The following CLRN2 variants were observed in gnomAD, a reference collection of about 807,000 sequenced individuals.
The protein encoded by CLRN2 is clarin-2.
In CLRN2, 17 loss-of-function variants were observed where a neutral mutation model predicts 20.1. The ratio of observed to expected loss-of-function variants is 0.85; its 90% CI spans 0.58 to 1.27. The LOEUF (loss-of-function observed/expected upper bound fraction) is 1.27, where lower values mean the gene tolerates loss of function less well. CLRN2 is among the 50% of genes most tolerant of loss of function. The pLI is 0.00. For missense variants in CLRN2, 288 were observed against 299.5 expected, an observed-to-expected ratio of 0.96 and a Z score of 0.28; for synonymous variants, 140 against 126.9, an observed-to-expected ratio of 1.10 and a Z score of -0.70.
intron 1 of CLRN2, among the ~76,000 whole-genome samples, chr4:17,517,664 GTGGTC>G (rs1314761404): frequency 6.6e-6 from 1 of 152,250 alleles, no homozygotes; most frequent in East Asian, 1.9e-4. Flanking sequence ...TTCATCTAAC[GTGGTC>G]TGGTCTGGAA....
intron 2 of CLRN2, among the ~76,000 whole-genome samples, chr4:17,525,905 C>T (rs944147273): frequency 1.3e-5 from 2 of 151,836 alleles, no homozygotes; most frequent in African/African-American, 4.8e-5. Context: ...TGAAGATATA[C>T]TAATCTTTTA....
intron 2 of CLRN2, among the ~76,000 whole-genome samples, chr4:17,525,226 A>G (rs1402390418): frequency 6.6e-6 from 1 of 152,232 alleles, no homozygotes; most frequent in Non-Finnish European, 1.5e-5. Flanking sequence ...TCATACTTAC[A>G]TAAATTATAG....
chr4:17,525,606 T>C (rs1711954629), intron 2 of CLRN2, among the ~76,000 whole-genome samples: 2 of 152,082 alleles, frequency 1.3e-5, no homozygotes. Flanking sequence ...GCCGTGATCA[T>C]GCCACTGCAC....
intron 1 of CLRN2, among the ~76,000 whole-genome samples, chr4:17,521,864 TA>T (rs1384996892): frequency 6.6e-6 from 1 of 152,060 alleles, no homozygotes; most frequent in East Asian, 1.9e-4. Flanking sequence ...ATCTCAAAGA[TA>T]AAAAGGTGTG....
intron 2 of CLRN2, among the ~76,000 whole-genome samples, chr4:17,526,001 C>T (rs1049661407): frequency 6.6e-6 from 1 of 151,848 alleles, no homozygotes; most frequent in African/African-American, 2.4e-5. Context: ...GAGACAGATT[C>T]CTCCCAGAAA....
chr4:17,520,967 G>A (rs1195994804), intron 1 of CLRN2, among the ~76,000 whole-genome samples: 2 of 152,140 alleles, frequency 1.3e-5, no homozygotes, highest in Admixed American at 1.3e-4. Context: ...GCACCAAGCC[G>A]AGATGGTGCC....
intron 1 of CLRN2, among the ~76,000 whole-genome samples, chr4:17,520,084 T>C (rs1711799664): frequency 6.6e-6 from 1 of 152,186 alleles, no homozygotes. Context: ...CCCTGTGTTA[T>C]GGCCCAAGAA....
chr4:17,520,010 G>A (rs546983141), intron 1 of CLRN2, among the ~76,000 whole-genome samples: 181 of 152,086 alleles, frequency 1.2e-3, no homozygotes, highest in Non-Finnish European at 2.1e-3. Context: ...CCCCAGCCTC[G>A]AATTTCTAAA....
At chr4:17,526,658 G>A (rs935753163) in intron 2 of CLRN2, among the ~76,000 whole-genome samples, 159 bp from the exon 3 acceptor site, 1 of 152,238 alleles carries the variant, frequency 6.6e-6, no homozygotes, top group Non-Finnish European at 1.5e-5. Flanking sequence ...CCTTCATACT[G>A]TGTGGGTTAT....
chr4:17,523,324 C>T (rs997886493), intron 2 of CLRN2, among the ~76,000 whole-genome samples: 7 of 151,710 alleles, frequency 4.6e-5, no homozygotes, highest in Admixed American at 3.9e-4. Context: ...AAGTGATCTT[C>T]CCACCTCAGG....
rs762642603 is a variant in CLRN2, at chr4:17,522,886, G to A, written c.276G>A (p.Glu92=). 3.7e-6 allele frequency: 6 copies of A among 1,613,826 alleles called. No individual in the cohort carries two copies. In the African/African-American group the frequency reaches 5.3e-5, roughly 14 times the overall value. Residue 92 remains glutamate (E), a synonymous_variant, in exon 2 of 3, where the codon GAG becomes GAA. Transcript: ENST00000511148. Reference sequence around the variant, plus strand: ...CAGTCTTCCCACACCTGGTGAAGGAGCTCAACGCAGGCCTTCATGTGATGA... The same window carrying A: ...CAGTCTTCCCACACCTGGTGAAGGAACTCAACGCAGGCCTTCATGTGATGA... ...QFTIFPHLVK[E]LNAGLHVMIL...
Position 17,525,203 on chromosome 4 carries a change from T to A in CLRN2, c.434-1614T>A, listed in dbSNP as rs571319395. On this transcript the variant is annotated intron_variant, in intron 2 of 2. Coordinates refer to ENST00000511148, the MANE Select transcript of CLRN2 (RefSeq NM_001079827.2). ...CAAAAAATTAGAAGTAATCTAGACA[T>A]CCAGAAATAAGGTCATACTTACATA... Among the ~76,000 whole-genome samples, 7 of 152,272 alleles carry A rather than the reference T, an allele frequency of 4.6e-5. No individual in the cohort carries two copies. In the South Asian group the frequency reaches 1.2e-3, roughly 27 times the overall value.
At chr4:17,525,582 C>T (rs746373996) in intron 2 of CLRN2, among the ~76,000 whole-genome samples, 5 of 151,898 alleles carry the variant, frequency 3.3e-5, no homozygotes, top group Admixed American at 6.6e-5. Flanking sequence ...CCCAGGAGGT[C>T]GAGGCTGCAG....
Position 17,526,878 on chromosome 4 carries a change from G to T in CLRN2, c.495G>T (p.Thr165=). The T allele has an allele frequency of 6.2e-7, 1 of 1,613,994 alleles. No individual in the cohort carries two copies. Among genetic ancestry groups the T allele is most frequent in the East Asian group, 2.2e-5 (1 of 44,872 alleles). ...CTGCGGTGAAATTTCACGACCTGAC[G>T]GAACGAATCGCCAACTTTCAGGAGA... ...FVAAVKFHDL[T]ERIANFQEKL... is the part of the protein sequence containing the mutation. The change falls in exon 3 of 3, where the codon ACG becomes ACT. Residue 165 remains threonine, a synonymous_variant. Coordinates refer to ENST00000511148, the MANE Select transcript of CLRN2 (RefSeq NM_001079827.2).
chr4:17,526,898 A>C lies in CLRN2; in HGVS notation c.515A>C (p.Gln172Pro). Residue 172 changes from glutamine to proline, a missense_variant, in exon 3 of 3, where the codon CAG (glutamine) becomes CCG (proline). By Grantham distance (76) the Gln-to-Pro change is moderately conservative. Coordinates refer to ENST00000511148, the MANE Select transcript of CLRN2 (RefSeq NM_001079827.2). Reference protein sequence around the residue: ...HDLTERIANFQEKLFQFVVVE... With the variant: ...HDLTERIANFPEKLFQFVVVE... ...CTGACGGAACGAATCGCCAACTTTCAGGAGAAGCTCTTCCAGTTTGTGGTG... is the reference window on the plus strand; with the variant it reads ...CTGACGGAACGAATCGCCAACTTTCCGGAGAAGCTCTTCCAGTTTGTGGTG... 6.2e-7 allele frequency: 1 copy of C among 1,614,032 alleles called. No individual in the cohort carries two copies. The highest frequency in any genetic ancestry group is 8.5e-7 in the Non-Finnish European group (1 of 1,179,898).
Position 17,525,761 on chromosome 4 carries a change from C to A in CLRN2, c.434-1056C>A, listed in dbSNP as rs115511530. On this transcript the variant is annotated intron_variant, in intron 2 of 2. Transcript: ENST00000511148. ...ATCAAATTTAAAATCAAAGTAAGAA[C>A]ACCATAATACTAATTTTCTTAAAGA... Among the ~76,000 whole-genome samples, 766 of 152,176 alleles carry A rather than the reference C, an allele frequency of 5.0e-3. 7 individuals are homozygous for A. Among genetic ancestry groups the A allele is most frequent in the African/African-American group, 0.018 (746 of 41,530 alleles).
At chr4:17,521,982 G>A (rs1470491774) in intron 1 of CLRN2, among the ~76,000 whole-genome samples, 1 of 152,188 alleles carries the variant, frequency 6.6e-6, no homozygotes, top group Non-Finnish European at 1.5e-5. Flanking sequence ...CCATCTTGAA[G>A]GACGGGCTCT....
chr4:17,521,253 T>C (rs896144847), intron 1 of CLRN2, among the ~76,000 whole-genome samples: 6 of 152,144 alleles, frequency 3.9e-5, no homozygotes, highest in African/African-American at 1.4e-4. Flanking sequence ...AATTCAGAAC[T>C]GGAAAGAAAC....
chr4:17,521,336 A>G (rs977375817), intron 1 of CLRN2, among the ~76,000 whole-genome samples: 21 of 152,230 alleles, frequency 1.4e-4, no homozygotes, highest in African/African-American at 4.8e-4. Context: ...GGGAAAAACA[A>G]AAACTCTAGT....
Sources: gnomAD v4.1 joint callset for allele counts (sites outside exome capture counted in the v4.1 genomes callset) on GRCh38, gnomAD v4.1.1 for gene constraint, MANE v1.5 for transcripts, NCBI Gene and HGNC (gene_info 2026-07-23, HGNC 2026-07-21) for gene names.